The following SYT9 variants were observed in gnomAD, a reference collection of about 807,000 sequenced individuals.
SYT9 encodes synaptotagmin-9.
A neutral mutation model predicts 48.4 loss-of-function variants in SYT9; 22 were observed. That is an observed-to-expected ratio of 0.45 (90% CI 0.32 to 0.65). SYT9 has a LOEUF of 0.65. SYT9 is among the 30% of genes least tolerant of loss of function. The pLI is 0.03. For missense variants in SYT9, 577 were observed against 622.0 expected, an observed-to-expected ratio of 0.93 and a Z score of 0.77; for synonymous variants, 265 against 245.0, an observed-to-expected ratio of 1.08 and a Z score of -0.76.
chr11:7,417,808 A>G (rs1193995442), intron 4 of SYT9, 149 bp from the exon 5 acceptor site: 15 of 675,740 alleles, frequency 2.2e-5, no homozygotes, highest in Non-Finnish European at 3.6e-5. Context: ...CTCCCCAGAT[A>G]TCATATTAAT....
chr11:7,294,698 C>A (rs1848761936), intron 1 of SYT9, among the ~76,000 whole-genome samples: 1 of 152,206 alleles, frequency 6.6e-6, no homozygotes, highest in South Asian at 2.1e-4. Flanking sequence ...GAGGGCCTGC[C>A]TGGGGCTGTG....
intron 1 of SYT9, among the ~76,000 whole-genome samples, chr11:7,261,769 C>T (rs1405111614): frequency 1.3e-5 from 2 of 151,600 alleles, no homozygotes; most frequent in Non-Finnish European, 2.9e-5. Flanking sequence ...GCATGCTTGA[C>T]GTGTTCAGAT....
chr11:7,432,580 AAAATATATATACATATATATATAT>A (rs1564902046), intron 6 of SYT9, among the ~76,000 whole-genome samples: 84 of 6,156 alleles, frequency 0.014, 2 homozygotes, highest in African/African-American at 0.022. Context: ...AAAAAAAAAA[AAAATATATATACATATATATATAT>A]ATATATATAT....
intron 1 of SYT9, among the ~76,000 whole-genome samples, chr11:7,294,984 T>C (rs1252575187): frequency 6.6e-6 from 1 of 152,206 alleles, no homozygotes; most frequent in Non-Finnish European, 1.5e-5. Context: ...CCTTCCCCTT[T>C]GGTTCAAATT....
At chr11:7,321,343 A>T (rs568322454) in intron 3 of SYT9, among the ~76,000 whole-genome samples, 4 of 152,156 alleles carry the variant, frequency 2.6e-5, no homozygotes, top group Admixed American at 2.0e-4. Context: ...CGCAGACCTG[A>T]TGGAGGTGGA....
rs771886106 is a variant in SYT9 at position 7,303,278 on chromosome 11, A to G, written c.385A>G (p.Ile129Val). The G allele has an allele frequency of 6.2e-7, 1 of 1,613,836 alleles. No homozygotes were observed. Among genetic ancestry groups the G allele is most frequent in the South Asian group, 1.1e-5 (1 of 91,062 alleles). The change falls in exon 2 of 7, where the codon ATC (isoleucine) becomes GTC (valine). Residue 129 changes from isoleucine to valine, a missense_variant. Coordinates refer to ENST00000318881, the MANE Select transcript of SYT9 (RefSeq NM_175733.4). ...GCCCTGCCCTGACTCCTCCATGAAGATCAGCCACACCTCCCCTGACATTCC... is the reference window on the plus strand; with the variant it reads ...GCCCTGCCCTGACTCCTCCATGAAGGTCAGCCACACCTCCCCTGACATTCC... ...PTPCPDSSMKISHTSPDIPLS... is the reference protein window; with the variant it reads ...PTPCPDSSMKVSHTSPDIPLS...
chr11:7,454,109 ACTTTT>A (rs1163635725), intron 6 of SYT9: 2 of 985,240 alleles, frequency 2.0e-6, no homozygotes, highest in Non-Finnish European at 2.4e-6. Flanking sequence ...CTCCCCAGTC[ACTTTT>A]CTTTCCTTTC....
intron 1 of SYT9, among the ~76,000 whole-genome samples, chr11:7,255,074 A>C (rs910520517): frequency 6.6e-6 from 1 of 152,190 alleles, no homozygotes; most frequent in Non-Finnish European, 1.5e-5. Context: ...ATCTGTACCA[A>C]CTTGTGGAAA....
At position 7,245,623 on chromosome 11, in the gene SYT9, T is replaced by A. The variant is rs371887428; in HGVS notation, c.49+6707T>A. Among the ~76,000 whole-genome samples, 17 of 152,284 alleles carry A rather than the reference T, an allele frequency of 1.1e-4. No homozygotes were observed. The East Asian group carries it at 2.3e-3, about 21-fold the overall frequency. On this transcript the variant is annotated intron_variant and NMD_transcript_variant, in intron 1 of 8. Coordinates refer to the SYT9 transcript ENST00000524820. ...TAAAAAGAAAAAACATTTATTGTCT[T>A]ATAATTCTGGAGTCTGGGAAGTCTA...
At chr11:7,440,618 G>A (rs1219094809) in intron 6 of SYT9, 1 of 152,204 alleles carries the variant, frequency 6.6e-6, no homozygotes, top group East Asian at 1.9e-4. Flanking sequence ...AATGAAAGAT[G>A]TGAGAATACA....
chr11:7,413,000 C>T (rs1368478723), intron 3 of SYT9, among the ~76,000 whole-genome samples: 2 of 152,188 alleles, frequency 1.3e-5, no homozygotes, highest in Admixed American at 1.3e-4. Context: ...AGAATTGAGA[C>T]TTGTCCTCAG....
chr11:7,280,128 C>T (rs947351332), intron 1 of SYT9, among the ~76,000 whole-genome samples: 11 of 152,352 alleles, frequency 7.2e-5, no homozygotes, highest in South Asian at 4.1e-4. Context: ...TACACGCATA[C>T]GTTTATTTTA....
rs138019900 is a variant in SYT9, at chr11:7,339,852, G to A, written c.1044+25911G>A. On this transcript the variant is annotated intron_variant, in intron 3 of 6. Coordinates refer to ENST00000318881, the MANE Select transcript of SYT9 (RefSeq NM_175733.4). ...TGCATCTTGGAGATGATCTTCTTGC[G>A]TAGAATCTTGCAGGGATTTTCTGTG... is the stretch of plus-strand genomic sequence containing the variant. Among the ~76,000 whole-genome samples the A allele has an allele frequency of 1.4e-4, 22 of 152,236 alleles. No homozygotes were observed. In the East Asian group the frequency reaches 2.5e-3, roughly 17 times the overall value.
intron 6 of SYT9, among the ~76,000 whole-genome samples, chr11:7,431,048 C>CA (rs2134118273): frequency 6.6e-6 from 1 of 152,260 alleles, no homozygotes; most frequent in African/African-American, 2.4e-5. Flanking sequence ...GGAGGGCTTA[C>CA]AAGAAGACAG....
chr11:7,418,923 A>G (rs1192947812), intron 5 of SYT9, among the ~76,000 whole-genome samples: 1 of 152,230 alleles, frequency 6.6e-6, no homozygotes, highest in East Asian at 1.9e-4. Context: ...TAAAAAAAAT[A>G]TTCTGACTTC....
At chr11:7,285,970 C>T (rs1468017475) in intron 1 of SYT9, among the ~76,000 whole-genome samples, 1 of 152,158 alleles carries the variant, frequency 6.6e-6, no homozygotes, top group African/African-American at 2.4e-5. Flanking sequence ...CAGCCCCCTT[C>T]CTAGCTGCTT....
chr11:7,289,550 A>T (rs1306432219), intron 1 of SYT9, among the ~76,000 whole-genome samples: 1 of 152,246 alleles, frequency 6.6e-6, no homozygotes, highest in Non-Finnish European at 1.5e-5. Flanking sequence ...AGAAGTGAAG[A>T]TTACAGAAAT....
At chr11:7,385,434 ACATCAGGTTT>A (rs1479631394) in intron 3 of SYT9, among the ~76,000 whole-genome samples, 1 of 152,084 alleles carries the variant, frequency 6.6e-6, no homozygotes, top group Non-Finnish European at 1.5e-5. Context: ...CTTAGTGAAT[ACATCAGGTTT>A]CATTTCTTTC....
intron 3 of SYT9, among the ~76,000 whole-genome samples, chr11:7,331,223 A>AT (rs1392167659): frequency 1.3e-5 from 2 of 148,884 alleles, no homozygotes; most frequent in Non-Finnish European, 1.5e-5. Flanking sequence ...GATAGCAGGG[A>AT]TTTTTTATAT....
Sources: allele counts gnomAD v4.1 joint callset (sites outside exome capture counted in the v4.1 genomes callset), GRCh38; gene constraint gnomAD v4.1.1; transcripts MANE v1.5; gene names NCBI Gene and HGNC (gene_info 2026-07-23, HGNC 2026-07-21).